Variants in BNIP3 observed in about 807,000 individuals in gnomAD.
BNIP3 encodes BCL2 interacting protein 3, also known as BCL2/adenovirus E1B 19 kDa protein-interacting protein 3.
Under a neutral mutation model 23.9 loss-of-function variants are expected in BNIP3, and 16 were observed. The observed-to-expected ratio is 0.67, with a 90% CI of 0.45 to 1.01. BNIP3 has a LOEUF of 1.01. BNIP3 is among the 50% of genes least tolerant of loss of function. The pLI is 0.00. For missense variants in BNIP3, 198 were observed against 248.7 expected, an observed-to-expected ratio of 0.80 and a Z score of 1.37; for synonymous variants, 81 against 89.3, an observed-to-expected ratio of 0.91 and a Z score of 0.53.
intron 3 of BNIP3, among the ~76,000 whole-genome samples, chr10:131,972,227 G>A (rs1397830080): frequency 1.3e-5 from 2 of 152,112 alleles, no homozygotes; most frequent in Non-Finnish European, 2.9e-5. Context: ...GCTGAAGGCC[G>A]CTCTGTAAAG....
At chr10:131,981,631 A>C in intron 1 of BNIP3, 130 bp downstream of exon 1, 2 of 1,158,274 alleles carry the variant, frequency 1.7e-6, no homozygotes, top group Non-Finnish European at 2.3e-6. Flanking sequence ...GAAGGGGAGG[A>C]TGGCGCAGCC....
intron 1 of BNIP3, among the ~76,000 whole-genome samples, chr10:131,979,307 A>T (rs1329030856): frequency 6.6e-6 from 1 of 152,226 alleles, no homozygotes; most frequent in Non-Finnish European, 1.5e-5. Flanking sequence ...ACTCCAAAAT[A>T]AGTAGAAAAC....
chr10:131,970,947 T>C lies in BNIP3; in HGVS notation c.306A>G (p.Arg102=), dbSNP rs773385108. The C allele has an allele frequency of 5.0e-6, 8 of 1,614,126 alleles. No individual in the cohort carries two copies. The highest frequency in any genetic ancestry group is 6.8e-6 in the Non-Finnish European group (8 of 1,180,002). ...SSQSEEDDIE[R]RKEVESILKK... ...TCAAGATGCTTTCAACTTCTTTCCTTCTTTCAATATCATCTTCCTCAGACT... is the reference window on the plus strand; with the variant it reads ...TCAAGATGCTTTCAACTTCTTTCCTCCTTTCAATATCATCTTCCTCAGACT... Residue 102 remains arginine (R), a synonymous_variant, in exon 4 of 6, where the codon AGA becomes AGG. Coordinates refer to ENST00000368636, the MANE Select transcript of BNIP3 (RefSeq NM_004052.4). The surrounding 1 kb of genome is among the most constrained non-coding windows in gnomAD (Gnocchi z 4.1).
intron 1 of BNIP3, 151 bp downstream of exon 1, chr10:131,981,610 G>C: frequency 2.0e-6 from 2 of 995,600 alleles, no homozygotes; most frequent in Non-Finnish European, 2.7e-6. Flanking sequence ...CCCGCAGGAG[G>C]GGTGGGTACG....
Position 131,968,575 on chromosome 10 carries a change from C to G in BNIP3, c.540-6G>C, listed in dbSNP as rs1339050712. The G allele has an allele frequency of 3.8e-6, 6 of 1,594,706 alleles. No homozygotes were observed. In the East Asian group the frequency reaches 6.7e-5, roughly 18 times the overall value. Reference sequence around the variant, plus strand: ...GACGCCTTCCAATATAGATCCTTCACAGAAAAATTATCAGTAGTTAATGTA... The same window carrying G: ...GACGCCTTCCAATATAGATCCTTCAGAGAAAAATTATCAGTAGTTAATGTA... On this transcript the variant is annotated splice_polypyrimidine_tract_variant and splice_region_variant and intron_variant, in intron 5 of 5. Coordinates refer to ENST00000368636, the MANE Select transcript of BNIP3 (RefSeq NM_004052.4).
Position 131,970,994 on chromosome 10 carries a change from G to A in BNIP3, c.283-24C>T, listed in dbSNP as rs762694554. On this transcript the variant is annotated intron_variant, in intron 3 of 5. Transcript: ENST00000368636. The surrounding 1 kb of genome is among the most constrained non-coding windows in gnomAD (Gnocchi z 4.1). Reference sequence around the variant, plus strand: ...GACTAAGATAAAGTCAATGTTAAAGGCAGATCAGTGTACCACACGTGACAC... The same window carrying A: ...GACTAAGATAAAGTCAATGTTAAAGACAGATCAGTGTACCACACGTGACAC... 4.7e-5 allele frequency: 76 copies of A among 1,601,948 alleles called. No homozygotes were observed. The South Asian group carries it at 6.1e-4, about 13-fold the overall frequency.
Position 131,976,581 on chromosome 10 carries a change from G to A in BNIP3, c.47-2638C>T, listed in dbSNP as rs1322907554. Among the ~76,000 whole-genome samples the A allele has an allele frequency of 6.6e-6, 1 of 152,018 alleles. No homozygotes were observed. Among genetic ancestry groups the A allele is most frequent in the African/African-American group, 2.4e-5 (1 of 41,374 alleles). ...GGCAGACAAATGGAAATGACATACA[G>A]CCCAGATCCCCACCTACCCCACACG... is the stretch of plus-strand genomic sequence containing the variant. On this transcript the variant is annotated intron_variant, in intron 1 of 5. Coordinates refer to ENST00000368636, the MANE Select transcript of BNIP3 (RefSeq NM_004052.4). This position sits in a 1 kb window ranked among gnomAD's most constrained non-coding sequence, Gnocchi z 4.3.
At position 131,970,713 on chromosome 10, in the gene BNIP3, C is replaced by T. The variant is rs755799745; in HGVS notation, c.464G>A (p.Gly155Asp). Residue 155 changes from glycine (G) to aspartate (D), a missense_variant, in exon 5 of 6, where the codon GGC becomes GAC. By Grantham distance (94) the Gly-to-Asp change is moderately conservative (BLOSUM62 -1). Transcript: ENST00000368636. This position sits in a 1 kb window ranked among gnomAD's most constrained non-coding sequence, Gnocchi z 4.1. The stretch of plus-strand genomic sequence containing the variant: ...TTTCAGAAATTCTGCAGAGAATATG[C>T]CCCCTTTCTTCATGACGCTCGTGTT... ...MRNTSVMKKG[G>D]IFSAEFLKVF... 1 of 1,614,182 alleles carries T rather than the reference C, an allele frequency of 6.2e-7. No individual in the cohort carries two copies. Among genetic ancestry groups the T allele is most frequent in the Non-Finnish European group, 8.5e-7 (1 of 1,180,020 alleles).
chr10:131,970,588 A>G lies in BNIP3; in HGVS notation c.539+50T>C, dbSNP rs541153750. 3.1e-6 allele frequency: 5 copies of G among 1,595,398 alleles called. No homozygotes were observed. In the South Asian group the frequency reaches 5.6e-5, roughly 18 times the overall value. On this transcript the variant is annotated intron_variant, in intron 5 of 5. Coordinates refer to ENST00000368636, the MANE Select transcript of BNIP3 (RefSeq NM_004052.4). This position sits in a 1 kb window ranked among gnomAD's most constrained non-coding sequence, Gnocchi z 4.1. Reference sequence around the variant, plus strand: ...TTACGAATAAATCACTGCAACCCAGAATCGCCCCACGACATGCCATGACAG... The same window carrying G: ...TTACGAATAAATCACTGCAACCCAGGATCGCCCCACGACATGCCATGACAG...
At position 131,981,922 on chromosome 10, in the gene BNIP3, C is replaced by T. The variant is rs994557184; in HGVS notation, c.-116G>A. 9.8e-6 allele frequency: 12 copies of T among 1,220,696 alleles called. No homozygotes were observed. The highest frequency in any genetic ancestry group is 1.2e-5 in the Non-Finnish European group (11 of 945,344). The allele number at this position is 1,220,696 out of a possible 1,614,324, so 75.6% of individuals were successfully genotyped here. On this transcript the variant is annotated 5_prime_UTR_variant, in exon 1 of 6. Coordinates refer to ENST00000368636, the MANE Select transcript of BNIP3 (RefSeq NM_004052.4). The stretch of plus-strand genomic sequence containing the variant: ...GCCGCGGCCCAGCTGCGCTCCCGGA[C>T]TGAGCGGAGCCCCGCAGCCCGGCCG...
In BNIP3 at chr10:131,970,574, T is replaced by G; in HGVS notation, c.539+64A>C. 1 of 1,568,754 alleles carries G rather than the reference T, an allele frequency of 6.4e-7. No homozygotes were observed. The highest frequency in any genetic ancestry group is 8.7e-7 in the Non-Finnish European group (1 of 1,154,778). ...CTTCAGGAAACAGGTTACGAATAAA[T>G]CACTGCAACCCAGAATCGCCCCACG... On this transcript the variant is annotated intron_variant, in intron 5 of 5. Transcript: ENST00000368636. The surrounding 1 kb of genome is among the most constrained non-coding windows in gnomAD (Gnocchi z 4.1).
intron 5 of BNIP3, chr10:131,968,997 C>G (rs2036996487): frequency 6.3e-6 from 1 of 159,626 alleles, no homozygotes; most frequent in Non-Finnish European, 1.4e-5. Context: ...ATGTCCCAAA[C>G]TAAAGATGCA....
At chr10:131,979,932 A>G (rs192742401) in intron 1 of BNIP3, among the ~76,000 whole-genome samples, 2 of 152,280 alleles carry the variant, frequency 1.3e-5, no homozygotes, top group Admixed American at 1.3e-4. Context: ...GCGCTGCCTG[A>G]GCCACCGCTC....
rs565775127 is a variant in BNIP3, at chr10:131,976,348, T to G, written c.47-2405A>C. The stretch of plus-strand genomic sequence containing the variant: ...TGTCCAACGATTCAATTCCATTCTA[T>G]CTACCTAGACTTAGTGTGGAGCCCA... On this transcript the variant is annotated intron_variant, in intron 1 of 5. Transcript: ENST00000368636. This position sits in a 1 kb window ranked among gnomAD's most constrained non-coding sequence, Gnocchi z 4.3. Among the ~76,000 whole-genome samples the G allele has an allele frequency of 1.9e-4, 29 of 152,214 alleles. No individual in the cohort carries two copies. The East Asian group carries it at 5.6e-3, about 29-fold the overall frequency.
At chr10:131,981,560 C>CG (rs1196863440) in intron 1 of BNIP3, among the ~76,000 whole-genome samples, 1 of 152,236 alleles carries the variant, frequency 6.6e-6, no homozygotes, top group Non-Finnish European at 1.5e-5. Context: ...CCGCGAACCC[C>CG]GGGCAGTACG....
At chr10:131,979,244 A>G (rs898836955) in intron 1 of BNIP3, among the ~76,000 whole-genome samples, 8 of 152,206 alleles carry the variant, frequency 5.3e-5, no homozygotes, top group African/African-American at 1.9e-4. Context: ...TTGGACGAGA[A>G]TCTCGATGTC....
intron 1 of BNIP3, among the ~76,000 whole-genome samples, chr10:131,979,943 C>A (rs1017746253): frequency 6.6e-6 from 1 of 152,226 alleles, no homozygotes; most frequent in Non-Finnish European, 1.5e-5. Flanking sequence ...GCCACCGCTC[C>A]GTCCCGGATT....
rs2036987057 is a variant in BNIP3, at chr10:131,968,010, T to C, written c.*514A>G. ...GTTGATTATGAACAATTAGCATAGT[T>C]ATATATAATCTTTCTTTAGTAGACA... On this transcript the variant is annotated 3_prime_UTR_variant, in exon 6 of 6. Coordinates refer to ENST00000368636, the MANE Select transcript of BNIP3 (RefSeq NM_004052.4). 1 of 153,226 alleles carries C rather than the reference T, an allele frequency of 6.5e-6. No individual in the cohort carries two copies. The highest frequency in any genetic ancestry group is 2.0e-4 in the South Asian group (1 of 4,902). 9.5% of individuals were successfully genotyped at this position (153,226 alleles called of 1,614,324 possible).
chr10:131,970,471 G>T lies in BNIP3; in HGVS notation c.539+167C>A. On this transcript the variant is annotated intron_variant, in intron 5 of 5. Transcript: ENST00000368636. The surrounding 1 kb of genome is among the most constrained non-coding windows in gnomAD (Gnocchi z 4.1). ...TGTGCTGGGGCCTTTGGGGGCTGCAGGCTGGTGGTTTCTGGACCTGAACAG... is the reference window on the plus strand; with the variant it reads ...TGTGCTGGGGCCTTTGGGGGCTGCATGCTGGTGGTTTCTGGACCTGAACAG... 1 of 1,021,488 alleles carries T rather than the reference G, an allele frequency of 9.8e-7. No homozygotes were observed. The highest frequency in any genetic ancestry group is 1.4e-6 in the Non-Finnish European group (1 of 720,274). 63.3% of individuals were successfully genotyped at this position (1,021,488 alleles called of 1,614,324 possible).
Sources: allele counts gnomAD v4.1 joint callset (sites outside exome capture counted in the v4.1 genomes callset), GRCh38; gene constraint gnomAD v4.1.1; non-coding constraint Gnocchi (gnomAD v3.1); transcripts MANE v1.5; gene names NCBI Gene and HGNC (gene_info 2026-07-23, HGNC 2026-07-21).